AKT3: variants seen among roughly 807,000 people sequenced by gnomAD.
AKT3 encodes the protein RAC-gamma serine/threonine-protein kinase.
In AKT3, 15 loss-of-function variants were observed where a neutral mutation model predicts 65.3. The ratio of observed to expected loss-of-function variants is 0.23; its 90% confidence interval spans 0.15 to 0.35. The LOEUF (loss-of-function observed/expected upper bound fraction) is 0.35. Ranked by LOEUF, AKT3 falls within the 10% of genes least tolerant of loss-of-function variation. The probability of loss-of-function intolerance (pLI) is 1.00; values close to 1 mark genes in which losing one functional copy is unlikely to be tolerated. For synonymous variants in AKT3, 206 were observed against 183.8 expected, an observed-to-expected ratio of 1.12 and a Z score of -0.98; for missense variants, 243 against 576.5, an observed-to-expected ratio of 0.42 and a Z score of 5.92.
intron 2 of AKT3, among the ~76,000 whole-genome samples, chr1:243,806,633 AT>A (rs1367794626): frequency 2.6e-5 from 4 of 152,122 alleles, no homozygotes; most frequent in Non-Finnish European, 5.9e-5. Flanking sequence ...ATCTAGTGTG[AT>A]TCCTTGTACC....
At chr1:243,702,462 TCC>T (rs1685528014) in intron 2 of AKT3, among the ~76,000 whole-genome samples, 1 of 152,182 alleles carries the variant, frequency 6.6e-6, no homozygotes, top group South Asian at 2.1e-4. Flanking sequence ...ATAGTTTTTA[TCC>T]ACCAAAGGGT....
chr1:243,803,035 C>A (rs1208418297), intron 2 of AKT3, among the ~76,000 whole-genome samples: 2 of 152,134 alleles, frequency 1.3e-5, no homozygotes, highest in Admixed American at 1.3e-4. Flanking sequence ...GTAGTTCCAG[C>A]TACTAGGGAG....
At chr1:243,585,727 A>G (rs1306540184) in intron 8 of AKT3, among the ~76,000 whole-genome samples, 2 of 152,190 alleles carry the variant, frequency 1.3e-5, no homozygotes, top group Non-Finnish European at 2.9e-5. Flanking sequence ...TTTACCATAT[A>G]CAAAAATTAA....
intron 6 of AKT3, among the ~76,000 whole-genome samples, chr1:243,621,989 C>T (rs923002174): frequency 4.6e-5 from 7 of 152,178 alleles, no homozygotes; most frequent in African/African-American, 1.7e-4. Flanking sequence ...TTCCAATCCA[C>T]AGTCTATTGT....
At chr1:243,820,849 G>C (rs902001360) in intron 2 of AKT3, among the ~76,000 whole-genome samples, 1 of 152,100 alleles carries the variant, frequency 6.6e-6, no homozygotes, top group Non-Finnish European at 1.5e-5. Context: ...AACCAAGTTG[G>C]AATATATACT....
At chr1:243,530,988 T>A (rs999928642) in intron 12 of AKT3, among the ~76,000 whole-genome samples, 1 of 152,236 alleles carries the variant, frequency 6.6e-6, no homozygotes, top group Non-Finnish European at 1.5e-5. Flanking sequence ...ACTATATGTA[T>A]TTTCAAACAT....
chr1:243,729,737 ATG>A (rs1687429498), intron 2 of AKT3, among the ~76,000 whole-genome samples: 1 of 152,266 alleles, frequency 6.6e-6, no homozygotes, highest in Non-Finnish European at 1.5e-5. Flanking sequence ...AAATAAAAAT[ATG>A]TGCATAGACA....
At chr1:243,611,452 G>T (rs901734945) in intron 8 of AKT3, among the ~76,000 whole-genome samples, 1 of 152,124 alleles carries the variant, frequency 6.6e-6, no homozygotes, top group African/African-American at 2.4e-5. Context: ...AAAGGCTGAC[G>T]TGGGTGCATC....
chr1:243,489,040 A>C, intron 13 of AKT3: 2 of 1,613,446 alleles, frequency 1.2e-6, no homozygotes, highest in South Asian at 2.2e-5. Context: ...AAGCACAGCC[A>C]GGCCACAGCC....
Position 243,843,163 on chromosome 1 carries a change from T to C in AKT3, c.8A>G (p.Asp3Gly). The C allele has an allele frequency of 6.2e-7, 1 of 1,613,894 alleles. No individual in the cohort carries two copies. The highest frequency in any genetic ancestry group is 1.1e-5 in the South Asian group (1 of 91,002). Reference protein sequence around the residue: MSDVTIVKEGWVQ... With the variant: MSGVTIVKEGWVQ... ...CCAACCTTCTTTCACAATGGTAACA[T>C]CGCTCATGATGACTCCCCTCTGAGC... is the stretch of plus-strand genomic sequence containing the variant. Residue 3 changes from aspartate to glycine, a missense_variant, in exon 2 of 14, where the codon GAT (aspartate) becomes GGT (glycine). Physicochemically the swap from Asp to Gly is moderately conservative, Grantham distance 94 (BLOSUM62 -1). Coordinates refer to ENST00000673466, the MANE Select transcript of AKT3 (RefSeq NM_005465.7).
chr1:243,820,521 T>C (rs1488308355), intron 2 of AKT3, among the ~76,000 whole-genome samples: 1 of 152,154 alleles, frequency 6.6e-6, no homozygotes, highest in East Asian at 1.9e-4. Flanking sequence ...AAGGAGCATG[T>C]TCAAACCCAA....
intron 9 of AKT3, among the ~76,000 whole-genome samples, chr1:243,572,436 A>T (rs948724277): frequency 2.0e-5 from 3 of 152,212 alleles, no homozygotes; most frequent in Non-Finnish European, 2.9e-5. Flanking sequence ...TACAGCAGTC[A>T]AAACACTATT....
chr1:243,831,432 A>G (rs1359064267), intron 2 of AKT3, among the ~76,000 whole-genome samples: 2 of 152,082 alleles, frequency 1.3e-5, no homozygotes, highest in Non-Finnish European at 2.9e-5. Flanking sequence ...TTTGAAGGAC[A>G]CAGGAGATTT....
intron 4 of AKT3, among the ~76,000 whole-genome samples, chr1:243,659,535 C>T (rs1182227226): frequency 6.6e-6 from 1 of 151,838 alleles, no homozygotes; most frequent in Non-Finnish European, 1.5e-5. Context: ...CTAATTAAGG[C>T]CATGTGGTGT....
intron 8 of AKT3, among the ~76,000 whole-genome samples, chr1:243,579,131 T>C (rs1205865647): frequency 6.6e-6 from 1 of 152,192 alleles, no homozygotes; most frequent in East Asian, 1.9e-4. Flanking sequence ...GGTTTCTCTA[T>C]GGCTGACTGA....
At chr1:243,653,609 G>A (rs1182890625) in intron 4 of AKT3, among the ~76,000 whole-genome samples, 1 of 152,144 alleles carries the variant, frequency 6.6e-6, no homozygotes, top group Admixed American at 6.6e-5. Flanking sequence ...TAAATACTAG[G>A]TATATCAAGG....
intron 2 of AKT3, among the ~76,000 whole-genome samples, chr1:243,824,889 C>T (rs534270823): frequency 6.6e-6 from 1 of 152,256 alleles, no homozygotes; most frequent in East Asian, 1.9e-4. Flanking sequence ...TTTGACCCAG[C>T]AATCCCATTA....
intron 5 of AKT3, among the ~76,000 whole-genome samples, chr1:243,642,924 A>G (rs1264075446): frequency 3.9e-5 from 6 of 152,206 alleles, no homozygotes; most frequent in Admixed American, 3.9e-4. Context: ...TTGGTCAAAA[A>G]AAGATAAATT....
intron 2 of AKT3, among the ~76,000 whole-genome samples, chr1:243,703,447 C>G (rs961574176): frequency 6.6e-6 from 1 of 152,032 alleles, no homozygotes; most frequent in Admixed American, 6.6e-5. Context: ...TTATCATAAC[C>G]ATGTTTTATT....
Sources: gnomAD v4.1 joint callset for allele counts (sites outside exome capture counted in the v4.1 genomes callset) on GRCh38, gnomAD v4.1.1 for gene constraint, MANE v1.5 for transcripts, NCBI Gene and HGNC (gene_info 2026-07-23, HGNC 2026-07-21) for gene names.